Variants in SOX6 observed in about 807,000 individuals in gnomAD.
SOX6 encodes the protein SRY-box transcription factor 6.
SOX6 carries 11 observed loss-of-function variants against 97.8 expected under a neutral mutation model. The observed-to-expected ratio is 0.11, with a 90% CI of 0.07 to 0.19. SOX6 has a LOEUF of 0.19. Ranked by LOEUF, SOX6 falls within the 10% of genes least tolerant of loss-of-function variation. SOX6 has a pLI of 1.00. For missense variants in SOX6, 810 were observed against 1,039.5 expected, an observed-to-expected ratio of 0.78 and a Z score of 3.04; for synonymous variants, 360 against 371.4, an observed-to-expected ratio of 0.97 and a Z score of 0.35.
At chr11:16,521,024 C>A (rs543824821) in intron 4 of SOX6, among the ~76,000 whole-genome samples, 1 of 152,324 alleles carries the variant, frequency 6.6e-6, no homozygotes, top group Non-Finnish European at 1.5e-5. Context: ...GGCCTCCCTG[C>A]CTCTGTAGGC....
At position 15,970,098 on chromosome 11, in the gene SOX6, C is replaced by T. The variant is rs973719223; in HGVS notation, c.*2711G>A. 6.6e-6 allele frequency: 1 copy of T among 152,232 alleles called. No homozygotes were observed. Among genetic ancestry groups the T allele is most frequent in the Non-Finnish European group, 1.5e-5 (1 of 68,038 alleles). 9.4% of individuals were successfully genotyped at this position (152,232 alleles called of 1,614,324 possible). On this transcript the variant is annotated 3_prime_UTR_variant, in exon 16 of 16. Coordinates refer to ENST00000683767, the MANE Select transcript of SOX6 (RefSeq NM_001367873.1). ...AAATCCGGCAACTGTGAGGCAAGCC[C>T]ACACGAGTCGAAACAGATGACTTTT...
chr11:16,713,047 CA>C (rs1848193302), intron 3 of SOX6, among the ~76,000 whole-genome samples: 2 of 152,100 alleles, frequency 1.3e-5, no homozygotes, highest in Non-Finnish European at 2.9e-5. Flanking sequence ...TCCAGAAAGA[CA>C]AGTGATTTGC....
intron 6 of SOX6, among the ~76,000 whole-genome samples, chr11:16,131,793 T>C (rs1849746123): frequency 6.6e-6 from 1 of 151,928 alleles, no homozygotes; most frequent in Non-Finnish European, 1.5e-5. Context: ...CTAAGAAATA[T>C]AAGAATAAAT....
intron 3 of SOX6, chr11:16,646,282 A>T (rs1314145314): frequency 2.0e-5 from 3 of 152,256 alleles, no homozygotes; most frequent in African/African-American, 7.2e-5. Context: ...GCTCTAAGTC[A>T]ATGGCGAAGA....
At chr11:16,376,624 T>G (rs1416395849) in intron 1 of SOX6, among the ~76,000 whole-genome samples, 1 of 152,164 alleles carries the variant, frequency 6.6e-6, no homozygotes, top group Non-Finnish European at 1.5e-5. Context: ...CATAGCACTC[T>G]TGCTGATAGT....
At chr11:16,145,999 T>G (rs1483836408) in intron 6 of SOX6, among the ~76,000 whole-genome samples, 1 of 152,130 alleles carries the variant, frequency 6.6e-6, no homozygotes, top group African/African-American at 2.4e-5. Context: ...TGGAAAAAAC[T>G]ACTTTAAAGT....
intron 6 of SOX6, among the ~76,000 whole-genome samples, chr11:16,122,136 T>C (rs1849509772): frequency 6.6e-6 from 1 of 152,022 alleles, no homozygotes; most frequent in African/African-American, 2.4e-5. Context: ...TTTTGCAACT[T>C]CTGGAAAAGT....
At chr11:16,389,843 G>T (rs1273430798) in intron 1 of SOX6, among the ~76,000 whole-genome samples, 1 of 151,626 alleles carries the variant, frequency 6.6e-6, no homozygotes, top group Non-Finnish European at 1.5e-5. Context: ...GGTGGCAGGT[G>T]CCTGTAGTCC....
At chr11:16,578,315 T>C (rs921220392) in intron 4 of SOX6, among the ~76,000 whole-genome samples, 1 of 152,220 alleles carries the variant, frequency 6.6e-6, no homozygotes, top group Admixed American at 6.5e-5. Flanking sequence ...GATTTCAGAA[T>C]CACTATATTA....
intron 6 of SOX6, among the ~76,000 whole-genome samples, chr11:16,121,357 A>G (rs979927676): frequency 2.0e-5 from 3 of 152,064 alleles, no homozygotes; most frequent in Non-Finnish European, 4.4e-5. Context: ...GACTCATGAG[A>G]AACATGCTAC....
intron 3 of SOX6, among the ~76,000 whole-genome samples, chr11:16,284,370 G>A (rs1375818245): frequency 6.6e-6 from 1 of 152,026 alleles, no homozygotes; most frequent in South Asian, 2.1e-4. Flanking sequence ...CAGAGTACAA[G>A]TAAACCTAGT....
intron 3 of SOX6, among the ~76,000 whole-genome samples, chr11:16,258,104 A>G (rs547130674): frequency 8.8e-4 from 133 of 151,716 alleles, no homozygotes; most frequent in Non-Finnish European, 1.6e-3. Context: ...ACGCTCATTC[A>G]TTGTTCATGG....
intron 6 of SOX6, among the ~76,000 whole-genome samples, chr11:16,157,597 T>G (rs1850636193): frequency 6.6e-6 from 1 of 151,974 alleles, no homozygotes; most frequent in African/African-American, 2.4e-5. Context: ...GAGTGATCTT[T>G]CTGAAAGGCA....
chr11:16,341,270 A>G lies in SOX6; in HGVS notation c.-4-18T>C, dbSNP rs758094425. The G allele has an allele frequency of 4.3e-6, 7 of 1,611,734 alleles. No homozygotes were observed. Among genetic ancestry groups the G allele is most frequent in the Non-Finnish European group, 5.9e-6 (7 of 1,178,736 alleles). ...ACATTCTTCTGCAGAAAAAAAACAG[A>G]ACGGATTAAAAATGGCTGTCAATAA... On this transcript the variant is annotated intron_variant, in intron 1 of 15. Transcript: ENST00000683767.
intron 3 of SOX6, among the ~76,000 whole-genome samples, chr11:16,243,041 C>T (rs1853238847): frequency 6.6e-6 from 1 of 151,904 alleles, no homozygotes; most frequent in South Asian, 2.1e-4. Flanking sequence ...AATGTCTCCC[C>T]ACTTTTTGAC....
chr11:16,620,844 AC>A (rs1425190645), intron 3 of SOX6, among the ~76,000 whole-genome samples: 1 of 152,090 alleles, frequency 6.6e-6, no homozygotes, highest in East Asian at 1.9e-4. Context: ...TAATTCATTA[AC>A]CTTTTTTGCC....
At chr11:16,661,292 C>T (rs376870860) in intron 3 of SOX6, among the ~76,000 whole-genome samples, 5 of 152,200 alleles carry the variant, frequency 3.3e-5, no homozygotes, top group Admixed American at 2.6e-4. Flanking sequence ...TGTGTTAGTA[C>T]GGTATATCTT....
At chr11:16,374,510 G>A (rs911183311) in intron 1 of SOX6, among the ~76,000 whole-genome samples, 5 of 151,842 alleles carry the variant, frequency 3.3e-5, no homozygotes, top group Non-Finnish European at 7.4e-5. Flanking sequence ...AATATCACAC[G>A]TGGAATACAT....
chr11:16,285,221 C>A (rs1854696761), intron 3 of SOX6, among the ~76,000 whole-genome samples: 1 of 152,070 alleles, frequency 6.6e-6, no homozygotes, highest in South Asian at 2.1e-4. Context: ...TAATATTAAA[C>A]TGATAGAATA....
Sources: allele counts gnomAD v4.1 joint callset (sites outside exome capture counted in the v4.1 genomes callset), GRCh38; gene constraint gnomAD v4.1.1; transcripts MANE v1.5; gene names NCBI Gene and HGNC (gene_info 2026-07-23, HGNC 2026-07-21).